The following SPRED1 variants were observed in gnomAD, a reference collection of about 807,000 sequenced individuals.
SPRED1 encodes sprouty-related, EVH1 domain-containing protein 1.
A neutral mutation model predicts 52.3 loss-of-function variants in SPRED1; 18 were observed. The observed-to-expected ratio is 0.34, with a 90% CI of 0.24 to 0.51. The LOEUF is 0.51. Ranked by LOEUF, SPRED1 falls within the 20% of genes least tolerant of loss-of-function variation. SPRED1 has a pLI of 0.97. For synonymous variants in SPRED1, 155 were observed against 179.7 expected (o/e 0.86, Z 1.10); for missense variants, 485 against 551.0 (o/e 0.88, Z 1.20).
chr15:38,288,645 G>A (rs1894858317), intron 1 of SPRED1, among the ~76,000 whole-genome samples: 1 of 152,140 alleles, frequency 6.6e-6, no homozygotes, highest in Non-Finnish European at 1.5e-5. Context: ...TACTTAAGGA[G>A]TACAAAAATA....
At chr15:38,305,982 G>C (rs1309425454) in intron 2 of SPRED1, among the ~76,000 whole-genome samples, 2 of 151,610 alleles carry the variant, frequency 1.3e-5, no homozygotes, top group South Asian at 2.1e-4. Flanking sequence ...TGCAAATAAG[G>C]CTACTATTTT....
At chr15:38,321,486 C>T (rs190930182) in intron 2 of SPRED1, among the ~76,000 whole-genome samples, 72 of 152,206 alleles carry the variant, frequency 4.7e-4, no homozygotes, top group Middle Eastern at 3.4e-3. Flanking sequence ...CACTTAAATG[C>T]ATATTTTGAA....
chr15:38,275,606 C>T (rs1894532801), intron 1 of SPRED1, among the ~76,000 whole-genome samples: 1 of 152,038 alleles, frequency 6.6e-6, no homozygotes, highest in Non-Finnish European at 1.5e-5. Context: ...CAATCAATTC[C>T]CGTACCTCAG....
intron 2 of SPRED1, among the ~76,000 whole-genome samples, chr15:38,313,832 C>CT (rs1301489299): frequency 6.6e-6 from 1 of 151,582 alleles, no homozygotes; most frequent in Admixed American, 6.6e-5. Flanking sequence ...GATTTTCACT[C>CT]TAAGCTTTTT....
intron 3 of SPRED1, 113 bp from the exon 4 acceptor site, chr15:38,324,650 A>G (rs1278713000): frequency 9.5e-6 from 8 of 839,268 alleles, no homozygotes; most frequent in Non-Finnish European, 1.3e-5. Context: ...GGCAGTCCAG[A>G]AAGATCTCTG....
intron 1 of SPRED1, among the ~76,000 whole-genome samples, chr15:38,258,699 T>A (rs1274060923): frequency 6.6e-6 from 1 of 152,236 alleles, no homozygotes; most frequent in Non-Finnish European, 1.5e-5. Flanking sequence ...ATTTTTTAAA[T>A]GCTTTATGGT....
chr15:38,293,620 G>C (rs1177921014), intron 1 of SPRED1, among the ~76,000 whole-genome samples: 2 of 152,142 alleles, frequency 1.3e-5, no homozygotes, highest in African/African-American at 2.4e-5. Context: ...ACTGCTCTTA[G>C]AGCTTTTAAA....
At chr15:38,256,949 TATTATTCAG>T (rs943113031) in intron 1 of SPRED1, among the ~76,000 whole-genome samples, 104 of 152,276 alleles carry the variant, frequency 6.8e-4, no homozygotes, top group African/African-American at 2.4e-3. Context: ...AAAATTTGCT[TATTATTCAG>T]TTGGCCTGTG....
chr15:38,279,962 A>C (rs1289679834), intron 1 of SPRED1, among the ~76,000 whole-genome samples: 1 of 152,130 alleles, frequency 6.6e-6, no homozygotes, highest in Non-Finnish European at 1.5e-5. Flanking sequence ...AGGGTGCTAC[A>C]TCTTGGAATG....
At chr15:38,330,314 G>C (rs922927413) in intron 4 of SPRED1, among the ~76,000 whole-genome samples, 1 of 152,046 alleles carries the variant, frequency 6.6e-6, no homozygotes, top group Non-Finnish European at 1.5e-5. Flanking sequence ...CTGTGTTCAG[G>C]TTGCTTAAAG....
chr15:38,263,649 C>T (rs1894247074), intron 1 of SPRED1, among the ~76,000 whole-genome samples: 1 of 152,048 alleles, frequency 6.6e-6, no homozygotes, highest in African/African-American at 2.4e-5. Flanking sequence ...AAGGATATAA[C>T]CGTTAGGATG....
chr15:38,329,801 C>T (rs7173261), intron 4 of SPRED1, among the ~76,000 whole-genome samples: 125,298 of 152,084 alleles, frequency 0.82, 52,410 homozygotes, highest in Non-Finnish European at 0.9. Context: ...TATACAAATG[C>T]ATACTTCCTT....
In SPRED1 at chr15:38,291,481, A is replaced by T. The variant is rs539374164; in HGVS notation, c.33-7892A>T. Among the ~76,000 whole-genome samples the T allele has an allele frequency of 2.6e-5, 4 of 152,314 alleles. No individual in the cohort carries two copies. In the East Asian group the frequency reaches 7.7e-4, roughly 29 times the overall value. On this transcript the variant is annotated intron_variant, in intron 1 of 6. Transcript: ENST00000299084. ...CTCTGTGTCGGGGCTCTGACCCCAC[A>T]TTTCCCTTCCACACTGCCCTAGCAG...
At position 38,274,211 on chromosome 15, in the gene SPRED1, AG is replaced by A. The variant is rs374518657; in HGVS notation, c.32+20995del. On this transcript the variant is annotated intron_variant, in intron 1 of 6. Transcript: ENST00000299084. ...TTTTTCCCTTTAGAGTAGAAGTTTA[AG>A]CACCCTTGGATACCCTTGGTTTAGA... Among the ~76,000 whole-genome samples the A allele has an allele frequency of 3.9e-5, 6 of 152,314 alleles. No homozygotes were observed. The East Asian group carries it at 1.2e-3, about 29-fold the overall frequency.
chr15:38,264,581 T>C (rs1056021416), intron 1 of SPRED1, among the ~76,000 whole-genome samples: 1 of 151,348 alleles, frequency 6.6e-6, no homozygotes, highest in African/African-American at 2.4e-5. Flanking sequence ...TAAAAAAGAG[T>C]GAACAGTATG....
intron 1 of SPRED1, among the ~76,000 whole-genome samples, chr15:38,279,163 A>G (rs1218032259): frequency 6.6e-6 from 1 of 152,194 alleles, no homozygotes; most frequent in Non-Finnish European, 1.5e-5. Flanking sequence ...GGTTGCATCC[A>G]AGGTTGATTG....
intron 1 of SPRED1, among the ~76,000 whole-genome samples, chr15:38,269,845 A>G (rs775968218): frequency 1.1e-4 from 16 of 151,844 alleles, no homozygotes; most frequent in Non-Finnish European, 2.2e-4. Flanking sequence ...TTATATAGCC[A>G]CAAGTGGCCA....
intron 1 of SPRED1, among the ~76,000 whole-genome samples, chr15:38,271,455 TTGA>T (rs1200271106): frequency 6.6e-6 from 1 of 151,456 alleles, no homozygotes; most frequent in Non-Finnish European, 1.5e-5. Flanking sequence ...GTCATTAATG[TTGA>T]TACTTAATGA....
At chr15:38,293,727 G>C (rs1039530641) in intron 1 of SPRED1, among the ~76,000 whole-genome samples, 1 of 152,044 alleles carries the variant, frequency 6.6e-6, no homozygotes, top group Non-Finnish European at 1.5e-5. Flanking sequence ...AGTATGCATG[G>C]CTTAATACAG....
Sources: allele counts gnomAD v4.1 joint callset (sites outside exome capture counted in the v4.1 genomes callset), GRCh38; gene constraint gnomAD v4.1.1; transcripts MANE v1.5; gene names NCBI Gene and HGNC (gene_info 2026-07-23, HGNC 2026-07-21).